Variants in ERI3 observed in about 807,000 individuals in gnomAD.
ERI3 encodes ERI1 exoribonuclease 3.
A neutral mutation model predicts 44.4 loss-of-function variants in ERI3; 18 were observed. The ratio of observed to expected loss-of-function variants is 0.41; its 90% CI spans 0.28 to 0.60. The LOEUF (loss-of-function observed/expected upper bound fraction) is 0.60, where lower values mean the gene tolerates loss of function less well. Among genes scored for constraint, ERI3 ranks in the 20% least tolerant of loss-of-function variants. The pLI is 0.36. For synonymous variants in ERI3, 183 were observed against 164.8 expected, an observed-to-expected ratio of 1.11 and a Z score of -0.84; for missense variants, 294 against 435.5, an observed-to-expected ratio of 0.68 and a Z score of 2.89.
intron 5 of ERI3, among the ~76,000 whole-genome samples, chr1:44,310,919 C>G (rs142523811): frequency 6.6e-6 from 1 of 150,952 alleles, no homozygotes; most frequent in Non-Finnish European, 1.5e-5. Flanking sequence ...GGTCTCTCTC[C>G]TCTGACCCAA....
At chr1:44,259,181 A>G (rs1029899576) in intron 7 of ERI3, among the ~76,000 whole-genome samples, 22 of 152,350 alleles carry the variant, frequency 1.4e-4, no homozygotes, top group Non-Finnish European at 2.5e-4. Context: ...GGTTCCAACA[A>G]GACACATAAG....
In ERI3 at chr1:44,340,335, T is replaced by A. The variant is rs956676413; in HGVS notation, c.212-1013A>T. On this transcript the variant is annotated intron_variant, in intron 2 of 8. Transcript: ENST00000372257. ...AGAAATGTTGTCTTTCTCCCTTTAA[T>A]ACTCAACATTCAAATTTCTCTCAAC... Among the ~76,000 whole-genome samples, 4 of 152,196 alleles carry A rather than the reference T, an allele frequency of 2.6e-5. No individual in the cohort carries two copies. The East Asian group carries it at 7.7e-4, about 29-fold the overall frequency.
chr1:44,265,899 T>G (rs1456856358), intron 7 of ERI3, among the ~76,000 whole-genome samples: 4 of 152,326 alleles, frequency 2.6e-5, no homozygotes, highest in Non-Finnish European at 5.9e-5. Context: ...GAAGTAGCTG[T>G]TAATGGAGTT....
intron 7 of ERI3, among the ~76,000 whole-genome samples, chr1:44,281,588 G>GAAAAAAAAA (rs769332763): frequency 9.6e-6 from 1 of 103,844 alleles, no homozygotes; most frequent in Non-Finnish European, 1.9e-5. Context: ...ACCCCGTCTC[G>GAAAAAAAAA]AAAAAAAAAA....
intron 3 of ERI3, among the ~76,000 whole-genome samples, chr1:44,328,472 G>A (rs1466399299): frequency 1.3e-5 from 2 of 152,064 alleles, no homozygotes; most frequent in Admixed American, 1.3e-4. Context: ...AGCCCTCCAG[G>A]TGACTCTGAC....
intron 7 of ERI3, among the ~76,000 whole-genome samples, chr1:44,276,003 C>T (rs1013895651): frequency 1.3e-5 from 2 of 152,118 alleles, no homozygotes; most frequent in African/African-American, 4.8e-5. Flanking sequence ...CCACTCAAGG[C>T]AGAAAGTGAA....
At chr1:44,294,783 G>C (rs951575998) in intron 6 of ERI3, among the ~76,000 whole-genome samples, 1 of 152,258 alleles carries the variant, frequency 6.6e-6, no homozygotes, top group Non-Finnish European at 1.5e-5. Flanking sequence ...GGGAAACCAG[G>C]AGCTCCTTAG....
intron 6 of ERI3, among the ~76,000 whole-genome samples, chr1:44,291,345 C>G (rs1416894088): frequency 6.6e-6 from 1 of 152,222 alleles, no homozygotes; most frequent in Non-Finnish European, 1.5e-5. Context: ...GAAGACACAG[C>G]ATGGCAGGCC....
chr1:44,318,343 T>C (rs143203078), intron 4 of ERI3, among the ~76,000 whole-genome samples: 1 of 152,322 alleles, frequency 6.6e-6, no homozygotes, highest in African/African-American at 2.4e-5. Flanking sequence ...AAGAAAGTCT[T>C]TCCTTCCCTT....
rs1028031738 is a variant in ERI3, at chr1:44,327,376, T to C, written c.490-7632A>G. ...CACCTGCTGTATCTCAACAGCTTAT[T>C]AGGAGGTTGTGGATCAGAATAATAC... On this transcript the variant is annotated intron_variant, in intron 3 of 8. Coordinates refer to ENST00000372257, the MANE Select transcript of ERI3 (RefSeq NM_024066.3). Among the ~76,000 whole-genome samples the C allele has an allele frequency of 2.0e-5, 3 of 152,352 alleles. 1 individual carries two copies. Among genetic ancestry groups the C allele is most frequent in the South Asian group, 4.1e-4 (2 of 4,828 alleles).
At chr1:44,302,112 T>C (rs1360236527) in intron 6 of ERI3, among the ~76,000 whole-genome samples, 1 of 152,164 alleles carries the variant, frequency 6.6e-6, no homozygotes, top group Non-Finnish European at 1.5e-5. Flanking sequence ...GCTGTGTCCC[T>C]AGGAAGGCCA....
At chr1:44,232,716 G>T (rs925856168) in intron 8 of ERI3, among the ~76,000 whole-genome samples, 1 of 152,062 alleles carries the variant, frequency 6.6e-6, no homozygotes, top group Non-Finnish European at 1.5e-5. Context: ...TTCCCTTTAG[G>T]TATCATTCCT....
chr1:44,257,580 C>G (rs1446974928), intron 7 of ERI3, among the ~76,000 whole-genome samples: 2 of 152,218 alleles, frequency 1.3e-5, no homozygotes, highest in Non-Finnish European at 2.9e-5. Context: ...ACTGCTGCAC[C>G]AAATCATCTC....
chr1:44,252,749 ATC>A lies in ERI3; in HGVS notation c.832-4713_832-4712del, dbSNP rs1644708325. Among the ~76,000 whole-genome samples, 1 of 152,136 alleles carries A rather than the reference ATC, an allele frequency of 6.6e-6. No individual in the cohort carries two copies. Among genetic ancestry groups the A allele is most frequent in the South Asian group, 2.1e-4 (1 of 4,820 alleles). On this transcript the variant is annotated intron_variant, in intron 7 of 8. Coordinates refer to ENST00000372257, the MANE Select transcript of ERI3 (RefSeq NM_024066.3). This position sits in a 1 kb window ranked among gnomAD's most constrained non-coding sequence, Gnocchi z 4.7. ...AAGAGGCCTCAGCAGCTGCTATGGT[ATC>A]TCTGCCCACCCATATACTACCTACC...
chr1:44,227,015 A>G (rs1177242576), intron 8 of ERI3, among the ~76,000 whole-genome samples: 1 of 152,106 alleles, frequency 6.6e-6, no homozygotes, highest in Admixed American at 6.6e-5. Context: ...TCACATATAC[A>G]ATTCCCATAC....
chr1:44,233,442 CG>C (rs1268670297), intron 8 of ERI3, among the ~76,000 whole-genome samples: 1 of 148,990 alleles, frequency 6.7e-6, no homozygotes, highest in Non-Finnish European at 1.5e-5. Context: ...CTCACTCTGT[CG>C]TCCAGGCTGG....
At chr1:44,336,596 T>A (rs1646540372) in intron 3 of ERI3, among the ~76,000 whole-genome samples, 2 of 152,250 alleles carry the variant, frequency 1.3e-5, no homozygotes, top group African/African-American at 4.8e-5. Context: ...CAAACCCATG[T>A]AAGTTATTAC....
At chr1:44,239,795 G>C (rs1454152802) in intron 8 of ERI3, among the ~76,000 whole-genome samples, 1 of 152,218 alleles carries the variant, frequency 6.6e-6, no homozygotes, top group Admixed American at 6.5e-5. Context: ...AGGAGGGAGA[G>C]GAGGGAGAGG....
intron 7 of ERI3, among the ~76,000 whole-genome samples, chr1:44,250,732 G>T (rs1644661203): frequency 6.6e-6 from 1 of 152,170 alleles, no homozygotes; most frequent in Non-Finnish European, 1.5e-5. Flanking sequence ...TTCCTCAGGG[G>T]GGGCATGGGG....
Sources: gnomAD v4.1 joint callset for allele counts (sites outside exome capture counted in the v4.1 genomes callset) on GRCh38, gnomAD v4.1.1 for gene constraint, Gnocchi (gnomAD v3.1) non-coding constraint, MANE v1.5 for transcripts, NCBI Gene and HGNC (gene_info 2026-07-23, HGNC 2026-07-21) for gene names.